The following CEL variants were observed in gnomAD, a reference collection of about 807,000 sequenced individuals.
The protein encoded by CEL is bile salt-activated lipase.
CEL carries 39 observed loss-of-function variants against 57.1 expected under a neutral mutation model. The ratio of observed to expected loss-of-function variants is 0.68; its 90% confidence interval spans 0.53 to 0.89. The LOEUF is 0.89. Among genes scored for constraint, CEL ranks in the 40% least tolerant of loss-of-function variants. CEL has a pLI of 0.00. For missense variants in CEL, 698 were observed against 915.0 expected, an observed-to-expected ratio of 0.76 and a Z score of 3.06; for synonymous variants, 314 against 396.6, an observed-to-expected ratio of 0.79 and a Z score of 2.48.
In CEL at chr9:133,070,800, G is replaced by A. The variant is rs2119069452; in HGVS notation, c.1484+142G>A. The A allele has an allele frequency of 3.2e-6, 4 of 1,253,340 alleles. No individual in the cohort carries two copies. The South Asian group carries it at 5.0e-5, about 16-fold the overall frequency. The allele number at this position is 1,253,340 out of a possible 1,614,324, so 77.6% of individuals were successfully genotyped here. On this transcript the variant is annotated intron_variant, in intron 10 of 10. Coordinates refer to ENST00000372080, the MANE Select transcript of CEL (RefSeq NM_001807.6). Reference sequence around the variant, plus strand: ...CCTGCATCGGAATCCATGTGTGTTTGAGGATGAGAGTTACTGGCAGAGCCC... The same window carrying A: ...CCTGCATCGGAATCCATGTGTGTTTAAGGATGAGAGTTACTGGCAGAGCCC...
chr9:133,066,951 C>CCGGGGG lies in CEL; in HGVS notation c.777+6_777+7insCGGGGG. ...CACTCTTCTGGGCCAAAAAGGTAAA[C>CCGGGGG]GGAGGAGGGCAGGGCTGGGCGGGGT... is the stretch of plus-strand genomic sequence containing the variant. On this transcript the variant is annotated splice_region_variant and intron_variant, in intron 6 of 10. Transcript: ENST00000372080. The surrounding 1 kb of genome is among the most constrained non-coding windows in gnomAD (Gnocchi z 4.3). 3.2e-6 allele frequency: 2 copies of CCGGGGG among 634,386 alleles called. No individual in the cohort carries two copies. The highest frequency in any genetic ancestry group is 1.4e-5 in the South Asian group (1 of 72,252). The allele number at this position is 634,386 out of a possible 1,614,324, so 39.3% of individuals were successfully genotyped here. A position where few individuals can be genotyped will look rare whatever the true frequency, so the allele number is the denominator to read the frequency against.
At chr9:133,063,547 A>G (rs1334812543) in intron 1 of CEL, among the ~76,000 whole-genome samples, 5 of 152,196 alleles carry the variant, frequency 3.3e-5, no homozygotes, top group Middle Eastern at 3.2e-3. Flanking sequence ...ACAGCCAGCA[A>G]GCAATGACCT....
rs1007310719 is a variant in CEL, at chr9:133,068,610, G to C, written c.896-62G>C. The C allele has an allele frequency of 6.6e-5, 107 of 1,611,814 alleles. 1 individual carries two copies. In the Middle Eastern group the frequency reaches 2.0e-3, roughly 30 times the overall value. On this transcript the variant is annotated intron_variant, in intron 7 of 10. Transcript: ENST00000372080. The stretch of plus-strand genomic sequence containing the variant: ...GCCAATTCCAGCCCTGAGAGGCAAG[G>C]GGCGGCTCAGGGGAAACTGGGAGGT...
At position 133,071,756 on chromosome 9, in the gene CEL, A is replaced by G; in HGVS notation, c.2254A>G (p.Arg752Gly). The G allele has an allele frequency of 6.2e-7, 1 of 1,611,664 alleles. No homozygotes were observed. Among genetic ancestry groups the G allele is most frequent in the South Asian group, 1.1e-5 (1 of 91,062 alleles). Residue 752 changes from arginine (R) to glycine (G), a missense_variant, in exon 11 of 11, where the codon AGG becomes GGG. Arg to Gly is a moderately radical substitution (Grantham distance 125). Around this residue, in one of 6 missense-constraint regions of CEL, gnomAD observed 238 missense variants for 213.7 expected, o/e 1.11. Coordinates refer to ENST00000372080, the MANE Select transcript of CEL (RefSeq NM_001807.6). ...SKEAQMPAVI[R>G]F is the part of the protein sequence containing the mutation. ...GGAAGCTCAGATGCCTGCAGTCATTAGGTTTTAGCGTCCCATGAGCCTTGG... is the reference window on the plus strand; with the variant it reads ...GGAAGCTCAGATGCCTGCAGTCATTGGGTTTTAGCGTCCCATGAGCCTTGG...
At chr9:133,067,376 C>T (rs144934969) in intron 7 of CEL, among the ~76,000 whole-genome samples, 171 bp downstream of exon 7, 5 of 151,916 alleles carry the variant, frequency 3.3e-5, no homozygotes, top group African/African-American at 7.3e-5. Flanking sequence ...GAGGGGGTGC[C>T]GTTTCTTCTT....
At position 133,064,814 on chromosome 9, in the gene CEL, G is replaced by A. The variant is rs746840388; in HGVS notation, c.340+52G>A. On this transcript the variant is annotated intron_variant, in intron 3 of 10. Transcript: ENST00000372080. Reference sequence around the variant, plus strand: ...GACCCTCCCATGCAGCCACTGCCCCGGGTCTACTCCTGGCTTGAGTCTGGG... The same window carrying A: ...GACCCTCCCATGCAGCCACTGCCCCAGGTCTACTCCTGGCTTGAGTCTGGG... 8 of 1,612,262 alleles carry A rather than the reference G, an allele frequency of 5.0e-6. No individual in the cohort carries two copies. The Admixed American group carries it at 5.0e-5, about 10-fold the overall frequency.
At chr9:133,069,679 T>G (rs1830233548) in intron 9 of CEL, among the ~76,000 whole-genome samples, 1 of 152,024 alleles carries the variant, frequency 6.6e-6, no homozygotes, top group African/African-American at 2.4e-5. Context: ...CCAATTATAA[T>G]AAAAAATAAG....
rs1473715371 is a variant in CEL, at chr9:133,071,632, G to C, written c.2130G>C (p.Glu710Asp). The part of the protein sequence containing the change: ...APPVTPTGDS[E>D]TAPVPPTGDS... ...CCGTGACCCCCACGGGTGACTCCGA[G>C]ACCGCCCCCGTGCCGCCCACGGGTG... The change falls in exon 11 of 11, where the codon GAG (glutamate) becomes GAC (aspartate). Residue 710 changes from glutamate to aspartate, a missense_variant. This residue lies in a region of CEL where 238 missense variants were observed against 213.7 expected (regional missense o/e 1.11). Transcript: ENST00000372080. 2 of 1,494,036 alleles carry C rather than the reference G, an allele frequency of 1.3e-6. No homozygotes were observed. The highest frequency in any genetic ancestry group is 1.8e-6 in the Non-Finnish European group (2 of 1,099,602). 92.5% of individuals were successfully genotyped at this position (1,494,036 alleles called of 1,614,324 possible).
chr9:133,067,049 C>A (rs1267256648), intron 6 of CEL, 39 bp from the exon 7 acceptor site: 27 of 1,611,790 alleles, frequency 1.7e-5, no homozygotes, highest in Non-Finnish European at 2.0e-5. Context: ...GCCCTGAGCT[C>A]CGGCCTCACC....
Position 133,066,344 on chromosome 9 carries a change from G to A in CEL, c.539-186G>A, listed in dbSNP as rs1830178138. 6.6e-6 allele frequency among the ~76,000 whole-genome samples: 1 copy of A among 151,770 alleles called. No individual in the cohort carries two copies. The highest frequency in any genetic ancestry group is 6.6e-5 in the Admixed American group (1 of 15,252). ...GCAACCAACGTGACCTAGTCTCCTG[G>A]GGACCCACCCCCTCCAGCACCCTAC... On this transcript the variant is annotated intron_variant, in intron 4 of 10. Coordinates refer to ENST00000372080, the MANE Select transcript of CEL (RefSeq NM_001807.6). This position sits in a 1 kb window ranked among gnomAD's most constrained non-coding sequence, Gnocchi z 4.3.
intron 1 of CEL, among the ~76,000 whole-genome samples, chr9:133,063,994 G>A (rs1255707881): frequency 6.6e-6 from 1 of 152,172 alleles, no homozygotes. Context: ...CACTCCTCCC[G>A]GGAGCTGGAC....
At position 133,066,216 on chromosome 9, in the gene CEL, G is replaced by A. The variant is rs1247033988; in HGVS notation, c.539-314G>A. Among the ~76,000 whole-genome samples the A allele has an allele frequency of 6.6e-6, 1 of 151,848 alleles. No homozygotes were observed. The highest frequency in any genetic ancestry group is 1.9e-4 in the East Asian group (1 of 5,180). On this transcript the variant is annotated intron_variant, in intron 4 of 10. Transcript: ENST00000372080. This position sits in a 1 kb window ranked among gnomAD's most constrained non-coding sequence, Gnocchi z 4.3. ...GCATGGGCCTGACCATCCTGCCCCCGACAAACACCACCCCCTCCAGCACCA... is the reference window on the plus strand; with the variant it reads ...GCATGGGCCTGACCATCCTGCCCCCAACAAACACCACCCCCTCCAGCACCA...
At position 133,063,804 on chromosome 9, in the gene CEL, A is replaced by G. The variant is rs189620144; in HGVS notation, c.67-600A>G. Reference sequence around the variant, plus strand: ...GGCGGGGGTGGGAGGTGTGGTCCCTAGGGGGTTCTTTACCAGCAGGGGGCT... The same window carrying G: ...GGCGGGGGTGGGAGGTGTGGTCCCTGGGGGGTTCTTTACCAGCAGGGGGCT... On this transcript the variant is annotated intron_variant, in intron 1 of 10. Coordinates refer to ENST00000372080, the MANE Select transcript of CEL (RefSeq NM_001807.6). Among the ~76,000 whole-genome samples the G allele has an allele frequency of 4.8e-3, 729 of 151,806 alleles. 4 individuals carry two copies. The highest frequency in any genetic ancestry group is 7.4e-3 in the Non-Finnish European group (503 of 67,872).
rs1211933243 is a variant in CEL, at chr9:133,071,335, G to C, written c.1833G>C (p.Gly611=). 7.2e-3 allele frequency: 2,569 copies of C among 356,854 alleles called. 25 individuals are homozygous for C. Among genetic ancestry groups the C allele is most frequent in the South Asian group, 0.02 (808 of 41,196 alleles). 22.1% of individuals were successfully genotyped at this position (356,854 alleles called of 1,614,324 possible). A position where few individuals can be genotyped will look rare whatever the true frequency, so the allele number is the denominator to read the frequency against. ...CCGTGCCGCCCACGGGTGACTCCGG[G>C]GCCCCCCCCGTGCCGCCCACGGGTG... is the stretch of plus-strand genomic sequence containing the variant. The part of the protein sequence containing the change: ...APPVPPTGDS[G]APPVPPTGDS... Residue 611 remains glycine, a synonymous_variant, in exon 11 of 11, where the codon GGG becomes GGC. Coordinates refer to ENST00000372080, the MANE Select transcript of CEL (RefSeq NM_001807.6).
At chr9:133,063,932 A>C (rs1466313294) in intron 1 of CEL, among the ~76,000 whole-genome samples, 3 of 152,168 alleles carry the variant, frequency 2.0e-5, no homozygotes, top group Non-Finnish European at 4.4e-5. Context: ...CCCACCCCTC[A>C]GAAAGGAGGA....
chr9:133,071,053 C>T lies in CEL; in HGVS notation c.1551C>T (p.Gly517=), dbSNP rs1392576909. 6.2e-7 allele frequency: 1 copy of T among 1,613,300 alleles called. No homozygotes were observed. Among genetic ancestry groups the T allele is most frequent in the Non-Finnish European group, 8.5e-7 (1 of 1,179,846 alleles). ...HWEPYTTENS[G]YLEITKKMGS... ...AACCCTACACTACGGAAAACAGCGGCTACCTGGAGATCACCAAGAAGATGG... is the reference window on the plus strand; with the variant it reads ...AACCCTACACTACGGAAAACAGCGGTTACCTGGAGATCACCAAGAAGATGG... Residue 517 remains glycine, a synonymous_variant, in exon 11 of 11, where the codon GGC becomes GGT. Transcript: ENST00000372080.
Position 133,066,385 on chromosome 9 carries a change from A to T in CEL, c.539-145A>T. ...AGCACCCTACCCGACCCAGCTTCTT[A>T]GGGACCCACCATTTGCCAACTGGGG... On this transcript the variant is annotated intron_variant, in intron 4 of 10. Coordinates refer to ENST00000372080, the MANE Select transcript of CEL (RefSeq NM_001807.6). The surrounding 1 kb of genome is among the most constrained non-coding windows in gnomAD (Gnocchi z 4.3). The T allele has an allele frequency of 1.1e-6, 1 of 949,918 alleles. No homozygotes were observed. Among genetic ancestry groups the T allele is most frequent in the Non-Finnish European group, 1.6e-6 (1 of 618,612 alleles). 58.8% of individuals were successfully genotyped at this position (949,918 alleles called of 1,614,324 possible).
chr9:133,063,323 G>T (rs577287602), intron 1 of CEL, among the ~76,000 whole-genome samples: 1 of 152,290 alleles, frequency 6.6e-6, no homozygotes, highest in South Asian at 2.1e-4. Flanking sequence ...TCACGCCACT[G>T]GCACAAGGAG....
chr9:133,064,261 G>C (rs1830137832), intron 1 of CEL, 143 bp from the exon 2 acceptor site: 3 of 1,042,492 alleles, frequency 2.9e-6, no homozygotes, highest in South Asian at 2.8e-5. Context: ...GGCAGGGGGT[G>C]CTGCCTGGGT....
Sources: allele counts gnomAD v4.1 joint callset (sites outside exome capture counted in the v4.1 genomes callset), GRCh38; gene constraint gnomAD v4.1.1; regional missense constraint gnomAD v4.1.1; non-coding constraint Gnocchi (gnomAD v3.1); transcripts MANE v1.5; gene names NCBI Gene and HGNC (gene_info 2026-07-23, HGNC 2026-07-21).